Variants in SCHIP1 observed in about 807,000 individuals in gnomAD.
The protein encoded by SCHIP1 is schwannomin interacting protein 1.
SCHIP1 carries 8 observed loss-of-function variants against 29.7 expected under a neutral mutation model. That is an observed-to-expected ratio of 0.27 (90% CI 0.16 to 0.49). SCHIP1 has a LOEUF of 0.49. Ranked by LOEUF, SCHIP1 falls within the 20% of genes least tolerant of loss-of-function variation. The probability of loss-of-function intolerance (pLI) is 0.99; values close to 1 mark genes in which losing one functional copy is unlikely to be tolerated. For synonymous variants in SCHIP1, 76 were observed against 94.9 expected, an observed-to-expected ratio of 0.80 and a Z score of 1.16; for missense variants, 193 against 294.6, an observed-to-expected ratio of 0.66 and a Z score of 2.52.
the SCHIP1 span, among the ~76,000 whole-genome samples, chr3:159,448,577 T>C: frequency 2.6e-5 from 4 of 152,160 alleles, no homozygotes; most frequent in Non-Finnish European, 5.9e-5. Flanking sequence ...TTAAGTTGTA[T>C]AATTTTAAGA....
chr3:159,765,033 G>A, the SCHIP1 span: 1 of 1,546,378 alleles, frequency 6.5e-7, no homozygotes, highest in Non-Finnish European at 8.7e-7. Flanking sequence ...AAGAGCCCCC[G>A]GTGCCACCTA....
chr3:159,351,705 G>T, the SCHIP1 span, among the ~76,000 whole-genome samples: 1 of 152,152 alleles, frequency 6.6e-6, no homozygotes, highest in East Asian at 1.9e-4. Flanking sequence ...TTTCTCATTG[G>T]GTTAGTCCTA....
At chr3:159,814,444 A>G in the SCHIP1 span, among the ~76,000 whole-genome samples, 1 of 152,254 alleles carries the variant, frequency 6.6e-6, no homozygotes. Context: ...TTTCTAGGCA[A>G]CAGGAAATGC....
the SCHIP1 span, among the ~76,000 whole-genome samples, chr3:159,319,999 A>C: frequency 7.9e-5 from 12 of 152,180 alleles, no homozygotes; most frequent in Non-Finnish European, 1.6e-4. Flanking sequence ...GTTGAAACCT[A>C]ATCAGTAATG....
At chr3:159,308,544 GT>G in the SCHIP1 span, among the ~76,000 whole-genome samples, 17 of 152,232 alleles carry the variant, frequency 1.1e-4, no homozygotes, top group African/African-American at 3.9e-4. Context: ...AGAAAAGGGA[GT>G]GCTTATACCC....
At chr3:159,299,895 C>A in the SCHIP1 span, among the ~76,000 whole-genome samples, 1 of 152,072 alleles carries the variant, frequency 6.6e-6, no homozygotes, top group Non-Finnish European at 1.5e-5. Context: ...TAATTGCCAA[C>A]CCATGGGGGA....
chr3:159,580,636 C>T, the SCHIP1 span, among the ~76,000 whole-genome samples: 1 of 152,152 alleles, frequency 6.6e-6, no homozygotes, highest in Non-Finnish European at 1.5e-5. Context: ...AAGATGCCTG[C>T]TTTCATGAAA....
chr3:159,283,978 A>T, the SCHIP1 span, among the ~76,000 whole-genome samples: 1 of 152,090 alleles, frequency 6.6e-6, no homozygotes, highest in African/African-American at 2.4e-5. Context: ...TATGTTGTTT[A>T]AGTTTTTACA....
At chr3:159,657,791 A>G in the SCHIP1 span, among the ~76,000 whole-genome samples, 2 of 152,228 alleles carry the variant, frequency 1.3e-5, no homozygotes, top group African/African-American at 2.4e-5. Context: ...TTGGAGGTGC[A>G]TTCTGTGGAC....
At chr3:159,463,594 A>G in the SCHIP1 span, among the ~76,000 whole-genome samples, 2 of 152,132 alleles carry the variant, frequency 1.3e-5, no homozygotes, top group African/African-American at 4.8e-5. Flanking sequence ...ATGTTACATA[A>G]TACTGAAGTA....
At chr3:159,437,661 G>A in the SCHIP1 span, among the ~76,000 whole-genome samples, 1 of 151,806 alleles carries the variant, frequency 6.6e-6, no homozygotes, top group African/African-American at 2.4e-5. Context: ...ATCTTGCTAA[G>A]GGAATTCAAG....
chr3:159,274,942 C>G, the SCHIP1 span: 4 of 977,200 alleles, frequency 4.1e-6, no homozygotes, highest in Non-Finnish European at 4.9e-6. Context: ...GCTTGACCTC[C>G]AATTCAAATA....
At chr3:159,508,988 T>G in the SCHIP1 span, among the ~76,000 whole-genome samples, 1 of 152,230 alleles carries the variant, frequency 6.6e-6, no homozygotes, top group Non-Finnish European at 1.5e-5. Flanking sequence ...TTAGGTCCAC[T>G]TGGTGCAGAG....
At chr3:159,380,499 TCTTC>T in the SCHIP1 span, among the ~76,000 whole-genome samples, 4 of 152,228 alleles carry the variant, frequency 2.6e-5, no homozygotes, top group Non-Finnish European at 5.9e-5. Flanking sequence ...CTGCTTTTAA[TCTTC>T]CTTATGTCAT....
At chr3:159,398,154 G>A in the SCHIP1 span, among the ~76,000 whole-genome samples, 45 of 152,032 alleles carry the variant, frequency 3.0e-4, no homozygotes, top group Non-Finnish European at 4.9e-4. Flanking sequence ...TGCGCTTCCC[G>A]AGTGAGGCAA....
the SCHIP1 span, among the ~76,000 whole-genome samples, chr3:159,650,895 G>A: frequency 6.6e-6 from 1 of 152,146 alleles, no homozygotes; most frequent in Non-Finnish European, 1.5e-5. Context: ...GAAAAGCTGA[G>A]TGTGAGTGAC....
the SCHIP1 span, among the ~76,000 whole-genome samples, chr3:159,339,681 T>C: frequency 6.6e-6 from 1 of 152,294 alleles, no homozygotes; most frequent in African/African-American, 2.4e-5. Flanking sequence ...AATTAGGGTA[T>C]ACAACAATTT....
At chr3:159,398,227 G>C in the SCHIP1 span, among the ~76,000 whole-genome samples, 4 of 152,220 alleles carry the variant, frequency 2.6e-5, no homozygotes, top group South Asian at 2.1e-4. Context: ...CCACTGTCTG[G>C]CACTCCCTAG....
chr3:159,643,422 C>A, the SCHIP1 span, among the ~76,000 whole-genome samples: 1 of 152,010 alleles, frequency 6.6e-6, no homozygotes. Flanking sequence ...AGACAGAGTA[C>A]CAACAGACTC....
Sources: gnomAD v4.1 joint callset for allele counts (sites outside exome capture counted in the v4.1 genomes callset) on GRCh38, gnomAD v4.1.1 for gene constraint, MANE v1.5 for transcripts, NCBI Gene and HGNC (gene_info 2026-07-23, HGNC 2026-07-21) for gene names.